CACNA1D: variants seen among roughly 807,000 people sequenced by gnomAD.
CACNA1D encodes the protein calcium voltage-gated channel subunit alpha1 D.
CACNA1D carries 55 observed loss-of-function variants against 257.1 expected under a neutral mutation model. The ratio of observed to expected loss-of-function variants is 0.21; its 90% CI spans 0.17 to 0.27. CACNA1D has a LOEUF of 0.27. Among genes scored for constraint, CACNA1D ranks in the 10% least tolerant of loss-of-function variants. The pLI is 1.00. For synonymous variants in CACNA1D, 980 were observed against 1,014.9 expected (o/e 0.97, Z 0.65); for missense variants, 1,876 against 2,784.0 (o/e 0.67, Z 7.34).
At chr3:53,612,072 AT>A (rs1413989936) in intron 3 of CACNA1D, among the ~76,000 whole-genome samples, 6 of 152,240 alleles carry the variant, frequency 3.9e-5, no homozygotes, top group South Asian at 2.1e-4. Context: ...ATTTAAAAAA[AT>A]ATTTGATATT....
chr3:53,653,365 T>C (rs919093487), intron 4 of CACNA1D, among the ~76,000 whole-genome samples: 1 of 152,038 alleles, frequency 6.6e-6, no homozygotes, highest in Non-Finnish European at 1.5e-5. Context: ...ATGTGACCCA[T>C]AACCAGGAGG....
At chr3:53,546,622 C>G (rs1170453265) in intron 3 of CACNA1D, among the ~76,000 whole-genome samples, 1 of 152,200 alleles carries the variant, frequency 6.6e-6, no homozygotes, top group African/African-American at 2.4e-5. Context: ...TCTGCATTTA[C>G]TTTTGCCCCT....
At chr3:53,617,662 A>G (rs997706898) in intron 3 of CACNA1D, among the ~76,000 whole-genome samples, 5 of 152,114 alleles carry the variant, frequency 3.3e-5, no homozygotes, top group Admixed American at 3.3e-4. Context: ...TTGTACAGTA[A>G]TTGACTACCC....
intron 3 of CACNA1D, among the ~76,000 whole-genome samples, chr3:53,617,658 A>G (rs772076891): frequency 5.9e-5 from 9 of 152,164 alleles, no homozygotes; most frequent in Non-Finnish European, 1.2e-4. Context: ...TCACTTGTAC[A>G]GTAATTGACT....
rs778266025 is a variant in CACNA1D, at chr3:53,702,676, G to A, written c.1256G>A (p.Arg419Gln). The change falls in exon 9 of 48, where the codon CGG (arginine) becomes CAG (glutamine). Residue 419 changes from arginine (R) to glutamine (Q), a missense_variant. Around this residue, in one of 10 missense-constraint regions of CACNA1D, gnomAD observed 188 missense variants for 390.4 expected, o/e 0.48. Coordinates refer to ENST00000350061, the MANE Select transcript of CACNA1D (RefSeq NM_001128840.3). ...AAGGAAAGAGAGAAGGCAAAAGCAC[G>A]GGGAGATTTCCAGAAGCTCCGGGAG... Reference protein sequence around the residue: ...FSKEREKAKARGDFQKLREKQ... With the variant: ...FSKEREKAKAQGDFQKLREKQ... The A allele has an allele frequency of 1.6e-5, 26 of 1,614,038 alleles. No homozygotes were observed. The highest frequency in any genetic ancestry group is 1.9e-5 in the Non-Finnish European group (22 of 1,180,048).
chr3:53,637,654 C>T (rs1207878723), intron 3 of CACNA1D, among the ~76,000 whole-genome samples: 1 of 152,132 alleles, frequency 6.6e-6, no homozygotes, highest in South Asian at 2.1e-4. Flanking sequence ...TCTCTCTAGC[C>T]TCTGGGAGGT....
intron 14 of CACNA1D, among the ~76,000 whole-genome samples, chr3:53,725,192 C>T (rs182855358): frequency 3.3e-5 from 5 of 152,320 alleles, no homozygotes; most frequent in Admixed American, 6.5e-5. Context: ...AGGAGACTTT[C>T]CACAGACAGG....
chr3:53,723,746 G>C lies in CACNA1D; in HGVS notation c.1893-46G>C, dbSNP rs765420643. On this transcript the variant is annotated intron_variant, in intron 13 of 47. Transcript: ENST00000350061. This position sits in a 1 kb window ranked among gnomAD's most constrained non-coding sequence, Gnocchi z 5.6. ...CCCCGGGCAGGTGATGTTCTGCTCTGTCCTGCATGGGTGTTCTGAGCTGAC... is the reference window on the plus strand; with the variant it reads ...CCCCGGGCAGGTGATGTTCTGCTCTCTCCTGCATGGGTGTTCTGAGCTGAC... The C allele has an allele frequency of 1.0e-5, 16 of 1,589,706 alleles. No individual in the cohort carries two copies. The highest frequency in any genetic ancestry group is 2.2e-5 in the East Asian group (1 of 44,802).
chr3:53,696,544 T>G (rs973956591), intron 8 of CACNA1D, among the ~76,000 whole-genome samples: 29 of 152,222 alleles, frequency 1.9e-4, no homozygotes, highest in South Asian at 8.3e-4. Flanking sequence ...AGGGGACACA[T>G]GTATTCATGT....
At chr3:53,515,133 A>T (rs1219030699) in intron 3 of CACNA1D, among the ~76,000 whole-genome samples, 1 of 152,202 alleles carries the variant, frequency 6.6e-6, no homozygotes, top group Non-Finnish European at 1.5e-5. Context: ...GCCTGCCTCT[A>T]CATGGTGGTC....
intron 8 of CACNA1D, among the ~76,000 whole-genome samples, chr3:53,684,160 G>A (rs2094454892): frequency 6.6e-6 from 1 of 152,148 alleles, no homozygotes; most frequent in Admixed American, 6.5e-5. Context: ...AAACGATTCT[G>A]TATGAAGCAA....
intron 3 of CACNA1D, among the ~76,000 whole-genome samples, chr3:53,609,053 T>C (rs2107940173): frequency 1.3e-5 from 2 of 152,316 alleles, no homozygotes; most frequent in Admixed American, 1.3e-4. Context: ...CTTAAATGTT[T>C]GACAGAATTT....
chr3:53,771,365 C>T (rs984189293), intron 32 of CACNA1D, among the ~76,000 whole-genome samples: 3 of 152,134 alleles, frequency 2.0e-5, no homozygotes, highest in Non-Finnish European at 4.4e-5. Flanking sequence ...TGAAGCTGTC[C>T]AAAGGTATAT....
At chr3:53,796,414 G>A (rs923062652) in intron 40 of CACNA1D, 5 of 455,826 alleles carry the variant, frequency 1.1e-5, no homozygotes, top group African/African-American at 6.0e-5. Context: ...GGTCCAGGGC[G>A]GGGCTCTGGG....
chr3:53,621,509 TAA>T (rs2108040009), intron 3 of CACNA1D, among the ~76,000 whole-genome samples: 1 of 152,220 alleles, frequency 6.6e-6, no homozygotes, highest in African/African-American at 2.4e-5. Context: ...ATCAAGGCAA[TAA>T]GTGTAACATA....
chr3:53,660,860 T>C (rs769828370), intron 5 of CACNA1D, among the ~76,000 whole-genome samples: 1 of 152,012 alleles, frequency 6.6e-6, no homozygotes, highest in Non-Finnish European at 1.5e-5. Flanking sequence ...CTGAGTGAGA[T>C]AATGGAGGGA....
intron 30 of CACNA1D, among the ~76,000 whole-genome samples, chr3:53,769,397 A>G (rs2095353873): frequency 6.6e-6 from 1 of 152,196 alleles, no homozygotes; most frequent in African/African-American, 2.4e-5. Context: ...TCTGTAGGGA[A>G]GCCTGCCTCT....
At chr3:53,652,272 C>A (rs536610876) in intron 4 of CACNA1D, among the ~76,000 whole-genome samples, 34 of 152,248 alleles carry the variant, frequency 2.2e-4, no homozygotes, top group African/African-American at 7.9e-4. Flanking sequence ...GCTATGATCA[C>A]CTCATATTTC....
At chr3:53,745,159 GT>G (rs2095155576) in intron 23 of CACNA1D, among the ~76,000 whole-genome samples, 1 of 151,266 alleles carries the variant, frequency 6.6e-6, no homozygotes, top group African/African-American at 2.4e-5. Context: ...AGGCTACTGG[GT>G]TTCTGTTTTC....
Sources: allele counts gnomAD v4.1 joint callset (sites outside exome capture counted in the v4.1 genomes callset), GRCh38; gene constraint gnomAD v4.1.1; regional missense constraint gnomAD v4.1.1; non-coding constraint Gnocchi (gnomAD v3.1); transcripts MANE v1.5; gene names NCBI Gene and HGNC (gene_info 2026-07-23, HGNC 2026-07-21).